The following ELAPOR2 variants were observed in gnomAD, a reference collection of about 807,000 sequenced individuals.
ELAPOR2 encodes endosome-lysosome associated apoptosis and autophagy regulator family member 2.
Under a neutral mutation model 120.7 loss-of-function variants are expected in ELAPOR2, and 89 were observed. The observed-to-expected ratio is 0.74, with a 90% confidence interval of 0.62 to 0.88. ELAPOR2 has a LOEUF of 0.88. Among genes scored for constraint, ELAPOR2 ranks in the 40% least tolerant of loss-of-function variants. The pLI, the probability that ELAPOR2 is intolerant of heterozygous loss-of-function variation, is 0.00. For synonymous variants in ELAPOR2, 444 were observed against 444.9 expected, an observed-to-expected ratio of 1.00 and a Z score of 0.03; for missense variants, 1,134 against 1,251.6, an observed-to-expected ratio of 0.91 and a Z score of 1.42.
chr7:87,033,604 T>C (rs1396515450), intron 1 of ELAPOR2, among the ~76,000 whole-genome samples: 3 of 152,096 alleles, frequency 2.0e-5, no homozygotes, highest in African/African-American at 7.2e-5. Context: ...ACTAAAAATA[T>C]GACATTTTTT....
chr7:86,975,758 A>G (rs985795797), intron 1 of ELAPOR2, among the ~76,000 whole-genome samples: 1 of 152,206 alleles, frequency 6.6e-6, no homozygotes, highest in African/African-American at 2.4e-5. Flanking sequence ...CTCTGCCCAA[A>G]ATATAAAAGC....
chr7:86,994,465 A>C (rs1421682495), intron 1 of ELAPOR2, among the ~76,000 whole-genome samples: 1 of 152,246 alleles, frequency 6.6e-6, no homozygotes, highest in African/African-American at 2.4e-5. Flanking sequence ...AATAAAATGC[A>C]CATCCCTGAG....
At chr7:86,979,212 T>TA (rs1258881565) in intron 1 of ELAPOR2, among the ~76,000 whole-genome samples, 1 of 152,098 alleles carries the variant, frequency 6.6e-6, no homozygotes, top group Non-Finnish European at 1.5e-5. Flanking sequence ...CAAGAGGTAA[T>TA]ATAATTAAGA....
chr7:86,936,735 A>C (rs1051357196), intron 8 of ELAPOR2, among the ~76,000 whole-genome samples: 1 of 152,120 alleles, frequency 6.6e-6, no homozygotes, highest in South Asian at 2.1e-4. Context: ...CTGCATATAC[A>C]TTTAATATAC....
chr7:87,035,399 C>T (rs1794556012), intron 1 of ELAPOR2, among the ~76,000 whole-genome samples: 1 of 152,148 alleles, frequency 6.6e-6, no homozygotes, highest in Non-Finnish European at 1.5e-5. Flanking sequence ...TTGTCTACTA[C>T]CCGCTAATCC....
intron 12 of ELAPOR2, among the ~76,000 whole-genome samples, chr7:86,916,364 A>C (rs1366486721): frequency 6.6e-6 from 1 of 152,196 alleles, no homozygotes; most frequent in Admixed American, 6.5e-5. Context: ...ATCAGACAAA[A>C]CAGCAAAAGG....
chr7:87,059,258 G>A, intron 1 of ELAPOR2, 67 bp downstream of exon 1: 1 of 1,240,904 alleles, frequency 8.1e-7, no homozygotes, highest in Non-Finnish European at 1.0e-6. Flanking sequence ...AACAGGAACC[G>A]CTCTCAGCCT....
At chr7:86,900,607 C>T (rs1788674757) in intron 18 of ELAPOR2, among the ~76,000 whole-genome samples, 1 of 152,142 alleles carries the variant, frequency 6.6e-6, no homozygotes, top group Non-Finnish European at 1.5e-5. Flanking sequence ...AGTGCCTTTC[C>T]TTGGCAGACT....
At chr7:86,913,322 G>T in intron 13 of ELAPOR2, 118 bp from the exon 14 acceptor site, 1 of 965,674 alleles carries the variant, frequency 1.0e-6, no homozygotes, top group Non-Finnish European at 1.5e-6. Flanking sequence ...CTAATAGTTT[G>T]TAATTGACAA....
intron 20 of ELAPOR2, 122 bp downstream of exon 20, chr7:86,892,800 G>A (rs904362111): frequency 4.4e-5 from 37 of 849,630 alleles, no homozygotes; most frequent in Middle Eastern, 3.8e-4. Context: ...TGATTTCTTC[G>A]CAAGGAGAAA....
chr7:87,031,137 G>T lies in ELAPOR2; in HGVS notation c.189+28188C>A, dbSNP rs542936823. Among the ~76,000 whole-genome samples, 31 of 152,212 alleles carry T rather than the reference G, an allele frequency of 2.0e-4. 1 individual carries two copies. The South Asian group carries it at 4.1e-3, about 20-fold the overall frequency. On this transcript the variant is annotated intron_variant, in intron 1 of 21. Coordinates refer to ENST00000450689, the MANE Select transcript of ELAPOR2 (RefSeq NM_001142749.3). The stretch of plus-strand genomic sequence containing the variant: ...ATTATGGGAGCTACAATTCAAGATG[G>T]GATTTGGGTGGGGACACAGAAAAAC...
At chr7:86,916,955 ATTTTTTTTTTTTT>A (rs58682563) in intron 12 of ELAPOR2, among the ~76,000 whole-genome samples, 29 of 86,700 alleles carry the variant, frequency 3.3e-4, no homozygotes, top group South Asian at 1.7e-3. Context: ...TGGCCAGCTA[ATTTTTTTTTTTTT>A]TTTTTTTTTT....
intron 1 of ELAPOR2, among the ~76,000 whole-genome samples, chr7:87,011,745 A>G (rs911043009): frequency 3.3e-5 from 5 of 152,126 alleles, no homozygotes; most frequent in African/African-American, 4.8e-5. Flanking sequence ...ATATTTCTTT[A>G]CTTTCTAACA....
intron 6 of ELAPOR2, 32 bp downstream of exon 6, chr7:86,939,978 G>A (rs1313183977): frequency 2.3e-6 from 3 of 1,329,904 alleles, no homozygotes; most frequent in East Asian, 2.4e-5. Flanking sequence ...AGATGTGACT[G>A]GTGACTACTA....
At chr7:87,044,686 C>T (rs894449354) in intron 1 of ELAPOR2, among the ~76,000 whole-genome samples, 31 of 152,102 alleles carry the variant, frequency 2.0e-4, no homozygotes, top group Admixed American at 8.5e-4. Flanking sequence ...CCATTCAGGA[C>T]ATAGGCACGG....
chr7:87,048,917 T>C (rs1222943837), intron 1 of ELAPOR2, among the ~76,000 whole-genome samples: 3 of 152,234 alleles, frequency 2.0e-5, no homozygotes, highest in Non-Finnish European at 2.9e-5. Context: ...CAAGTAATCA[T>C]CTCAATTAAT....
intron 12 of ELAPOR2, among the ~76,000 whole-genome samples, chr7:86,917,686 C>T (rs939200999): frequency 6.6e-6 from 1 of 151,918 alleles, no homozygotes; most frequent in African/African-American, 2.4e-5. Flanking sequence ...TTTTCAGAAA[C>T]AAAGTCTGCC....
At chr7:86,902,237 C>T (rs757525699) in intron 18 of ELAPOR2, among the ~76,000 whole-genome samples, 3 of 152,044 alleles carry the variant, frequency 2.0e-5, no homozygotes, top group East Asian at 1.9e-4. Flanking sequence ...GGTGCTATGG[C>T]GCGATCTCAG....
intron 18 of ELAPOR2, among the ~76,000 whole-genome samples, chr7:86,906,806 G>A (rs1409705781): frequency 6.6e-6 from 1 of 152,042 alleles, no homozygotes; most frequent in African/African-American, 2.4e-5. Flanking sequence ...TGAGAAGAGA[G>A]TCACTTGAGG....
Sources: gnomAD v4.1 joint callset for allele counts (sites outside exome capture counted in the v4.1 genomes callset) on GRCh38, gnomAD v4.1.1 for gene constraint, MANE v1.5 for transcripts, NCBI Gene and HGNC (gene_info 2026-07-23, HGNC 2026-07-21) for gene names.